Variants in ANKAR observed in about 807,000 individuals in gnomAD.
ANKAR encodes ankyrin and armadillo repeat-containing protein.
ANKAR carries 136 observed loss-of-function variants against 146.2 expected under a neutral mutation model. That is an observed-to-expected ratio of 0.93 (90% CI 0.81 to 1.07). ANKAR has a LOEUF of 1.07. ANKAR is among the 50% of genes least tolerant of loss of function. ANKAR has a pLI of 0.00. For missense variants in ANKAR, 1,567 were observed against 1,679.9 expected (o/e 0.93, Z 1.18); for synonymous variants, 500 against 575.8 (o/e 0.87, Z 1.88).
At chr2:189,707,452 CAAAAAAAAAAAAAA>C (rs67227035) in intron 9 of ANKAR, among the ~76,000 whole-genome samples, 1 of 72,928 alleles carries the variant, frequency 1.4e-5, no homozygotes, top group African/African-American at 5.5e-5. Context: ...TCTCCTTCAT[CAAAAAAAAAAAAAA>C]AAAAAAAAAG....
At chr2:189,682,265 T>C (rs2034815732) in intron 2 of ANKAR, among the ~76,000 whole-genome samples, 1 of 151,632 alleles carries the variant, frequency 6.6e-6, no homozygotes, top group South Asian at 2.1e-4. Flanking sequence ...TAACCACCAC[T>C]CTGCAGCCTG....
intron 2 of ANKAR, 39 bp downstream of exon 2, chr2:189,677,130 TTTTTG>T: frequency 7.0e-7 from 1 of 1,435,300 alleles, no homozygotes; most frequent in Non-Finnish European, 9.0e-7. Flanking sequence ...TTTTTTTTTT[TTTTTG>T]GAACAGAGTC....
chr2:189,714,160 G>A (rs2040093377), intron 10 of ANKAR, among the ~76,000 whole-genome samples: 1 of 152,028 alleles, frequency 6.6e-6, no homozygotes, highest in Non-Finnish European at 1.5e-5. Context: ...CACAATAATA[G>A]TGGGAGACTT....
At chr2:189,716,690 T>C (rs1160190026) in intron 10 of ANKAR, among the ~76,000 whole-genome samples, 1 of 152,116 alleles carries the variant, frequency 6.6e-6, no homozygotes, top group Non-Finnish European at 1.5e-5. Context: ...CTCCAAACTA[T>C]ACTACAAAGC....
Position 189,711,033 on chromosome 2 carries a change from G to A in ANKAR, c.2120-16G>A, listed in dbSNP as rs763849345. The stretch of plus-strand genomic sequence containing the variant: ...GTGCAAATTACAGCTGTGTTTTTCT[G>A]TTGAACACTTAACAGAAATGTTACA... On this transcript the variant is annotated splice_polypyrimidine_tract_variant and intron_variant, in intron 9 of 22. Coordinates refer to ENST00000684021, the MANE Select transcript of ANKAR (RefSeq NM_001378068.1). 2.2e-5 allele frequency: 36 copies of A among 1,602,008 alleles called. No homozygotes were observed. In the South Asian group the frequency reaches 2.6e-4, roughly 11 times the overall value.
In ANKAR at chr2:189,689,722, G is replaced by A; in HGVS notation, c.797G>A (p.Gly266Asp). ...GAAAATGTCTTTATATTTGAAACAG[G>A]CTATTGGCTTACTAATGCTATAAAA... The part of the protein sequence containing the change: ...QYENVFIFET[G>D]YWLTNAIKYN... Residue 266 changes from glycine to aspartate, a missense_variant, in exon 3 of 23, where the codon GGC becomes GAC. Transcript: ENST00000684021. The A allele has an allele frequency of 6.2e-7, 1 of 1,613,296 alleles. No individual in the cohort carries two copies. The highest frequency in any genetic ancestry group is 8.5e-7 in the Non-Finnish European group (1 of 1,179,536).
intron 18 of ANKAR, among the ~76,000 whole-genome samples, chr2:189,738,312 T>C (rs1339279956): frequency 6.6e-6 from 1 of 152,056 alleles, no homozygotes; most frequent in Non-Finnish European, 1.5e-5. Flanking sequence ...TATGAACCCA[T>C]ATTGAAAGGG....
intron 18 of ANKAR, among the ~76,000 whole-genome samples, chr2:189,759,965 C>G (rs556283155): frequency 1.3e-5 from 2 of 152,184 alleles, no homozygotes; most frequent in African/African-American, 4.8e-5. Context: ...TGACTCTTAA[C>G]GAGTATGCTG....
chr2:189,724,915 G>C (rs1249463938), intron 12 of ANKAR, among the ~76,000 whole-genome samples: 1 of 151,954 alleles, frequency 6.6e-6, no homozygotes, highest in Admixed American at 6.6e-5. Flanking sequence ...TGTATAACTA[G>C]ATTTAAAAAG....
chr2:189,676,909 A>T lies in ANKAR; in HGVS notation c.419A>T (p.Asp140Val). 2 of 1,614,156 alleles carry T rather than the reference A, an allele frequency of 1.2e-6. No homozygotes were observed. Among genetic ancestry groups the T allele is most frequent in the Non-Finnish European group, 8.5e-7 (1 of 1,180,022 alleles). ...SSCQLPPAYY[D>V]TRIGQILINI... ...TGTCAATTACCTCCAGCTTATTATG[A>T]TACCAGAATTGGGCAAATTCTGATC... is the stretch of plus-strand genomic sequence containing the variant. Residue 140 changes from aspartate to valine, a missense_variant, in exon 2 of 23, where the codon GAT becomes GTT. Physicochemically the swap from Asp to Val is radical, Grantham distance 152. Coordinates refer to ENST00000684021, the MANE Select transcript of ANKAR (RefSeq NM_001378068.1).
chr2:189,708,843 A>G (rs2039310024), intron 9 of ANKAR, among the ~76,000 whole-genome samples: 1 of 152,290 alleles, frequency 6.6e-6, no homozygotes, highest in African/African-American at 2.4e-5. Flanking sequence ...AGGGGAGACT[A>G]TTGTAAAATA....
intron 2 of ANKAR, among the ~76,000 whole-genome samples, chr2:189,677,816 G>A (rs116315941): frequency 0.019 from 2,832 of 151,846 alleles, 87 homozygotes; most frequent in African/African-American, 0.064. Flanking sequence ...TGGCCACCAC[G>A]TATTCTTTAT....
Position 189,705,144 on chromosome 2 carries a change from C to T in ANKAR, c.1830C>T (p.Ala610=), listed in dbSNP as rs754714133. The change falls in exon 8 of 23, where the codon GCC becomes GCT. Residue 610 remains alanine, a synonymous_variant. Coordinates refer to ENST00000684021, the MANE Select transcript of ANKAR (RefSeq NM_001378068.1). The part of the protein sequence containing the change: ...EKRGWMPIHF[A]AFYDNVCIII... ...GAGGCTGGATGCCGATTCACTTTGC[C>T]GCTTTCTATGACAACGTTTGCATCA... The T allele has an allele frequency of 1.5e-5, 25 of 1,614,084 alleles. No individual in the cohort carries two copies. The highest frequency in any genetic ancestry group is 6.7e-5 in the Admixed American group (4 of 60,008).
intron 9 of ANKAR, among the ~76,000 whole-genome samples, chr2:189,708,332 T>C (rs1419428661): frequency 1.3e-5 from 2 of 152,242 alleles, no homozygotes; most frequent in Non-Finnish European, 2.9e-5. Flanking sequence ...TTGTAATCTA[T>C]TATTAGTTAT....
intron 10 of ANKAR, 78 bp downstream of exon 10, chr2:189,711,231 T>A: frequency 1.8e-6 from 2 of 1,122,466 alleles, no homozygotes; most frequent in Non-Finnish European, 2.5e-6. Context: ...TTTTTAAATA[T>A]ATTTTTAATT....
chr2:189,752,730 T>A, intron 18 of ANKAR: 1 of 1,613,816 alleles, frequency 6.2e-7, no homozygotes, highest in Non-Finnish European at 8.5e-7. Context: ...CATTCCTAAA[T>A]AAGAAGCATT....
At chr2:189,742,519 G>T (rs561826447) in intron 20 of ANKAR, among the ~76,000 whole-genome samples, 1 of 151,978 alleles carries the variant, frequency 6.6e-6, no homozygotes, top group African/African-American at 2.4e-5. Context: ...GTGGAAAAGT[G>T]AGTTGCTCTT....
At position 189,708,972 on chromosome 2, in the gene ANKAR, C is replaced by T. The variant is rs183996218; in HGVS notation, c.2119+1826C>T. 2.6e-3 allele frequency among the ~76,000 whole-genome samples: 396 copies of T among 152,192 alleles called. 8 individuals carry two copies. Among genetic ancestry groups the T allele is most frequent in the Non-Finnish European group, 4.6e-4 (31 of 68,002 alleles). On this transcript the variant is annotated intron_variant, in intron 9 of 22. Coordinates refer to ENST00000684021, the MANE Select transcript of ANKAR (RefSeq NM_001378068.1). ...CAAAAATCAGCTGGGCGTGGTGGCACGTGCCTGTAGTCCTAGCTCCTCGGG... is the reference window on the plus strand; with the variant it reads ...CAAAAATCAGCTGGGCGTGGTGGCATGTGCCTGTAGTCCTAGCTCCTCGGG...
At chr2:189,760,705 C>T (rs1362470740) in intron 18 of ANKAR, among the ~76,000 whole-genome samples, 1 of 151,640 alleles carries the variant, frequency 6.6e-6, no homozygotes, top group Non-Finnish European at 1.5e-5. Context: ...ACAGGGGAAT[C>T]GTTTGAACTC....
Sources: allele counts gnomAD v4.1 joint callset (sites outside exome capture counted in the v4.1 genomes callset), GRCh38; gene constraint gnomAD v4.1.1; transcripts MANE v1.5; gene names NCBI Gene and HGNC (gene_info 2026-07-23, HGNC 2026-07-21).